CFAP58: variants seen among roughly 807,000 people sequenced by gnomAD.
CFAP58 encodes the protein cilia and flagella associated protein 58.
Under a neutral mutation model 119.5 loss-of-function variants are expected in CFAP58, and 88 were observed. That is an observed-to-expected ratio of 0.74 (90% CI 0.62 to 0.88). The LOEUF is 0.88. Ranked by LOEUF, CFAP58 falls within the 40% of genes least tolerant of loss-of-function variation. The probability of loss-of-function intolerance (pLI) is 0.00; values close to 1 mark genes in which losing one functional copy is unlikely to be tolerated. For missense variants in CFAP58, 990 were observed against 1,021.2 expected (o/e 0.97, Z 0.42); for synonymous variants, 365 against 366.3 (o/e 1.00, Z 0.04).
chr10:104,354,528 T>C (rs112275454), intron 1 of CFAP58, among the ~76,000 whole-genome samples: 1,764 of 152,150 alleles, frequency 0.012, 45 homozygotes, highest in African/African-American at 0.041. Context: ...AACCCTTCAG[T>C]GACTCCCTGC....
intron 9 of CFAP58, among the ~76,000 whole-genome samples, chr10:104,386,948 C>G (rs977703937): frequency 8.5e-5 from 13 of 152,312 alleles, no homozygotes; most frequent in African/African-American, 2.6e-4. Flanking sequence ...CTTCTTCCTT[C>G]TGAGCTGCAA....
intron 9 of CFAP58, among the ~76,000 whole-genome samples, chr10:104,385,938 T>G (rs905411010): frequency 6.6e-6 from 1 of 152,120 alleles, no homozygotes; most frequent in Non-Finnish European, 1.5e-5. Flanking sequence ...AAAAAGCAGA[T>G]AGATGCCTAG....
chr10:104,391,333 T>C (rs2012035908), intron 9 of CFAP58, among the ~76,000 whole-genome samples: 1 of 152,202 alleles, frequency 6.6e-6, no homozygotes, highest in Admixed American at 6.5e-5. Context: ...CCATGCTCTG[T>C]CACATTGCTC....
chr10:104,383,769 C>CACACACACACACAA (rs1412475062), intron 9 of CFAP58, among the ~76,000 whole-genome samples: 1 of 142,272 alleles, frequency 7.0e-6, no homozygotes, highest in Non-Finnish European at 1.5e-5. Context: ...CACACACACA[C>CACACACACACACAA]ACACACACAC....
intron 9 of CFAP58, among the ~76,000 whole-genome samples, chr10:104,381,110 A>G (rs998759310): frequency 6.6e-6 from 1 of 152,184 alleles, no homozygotes; most frequent in Non-Finnish European, 1.5e-5. Context: ...TGGTTGCAGC[A>G]CTGCACTCCA....
chr10:104,454,295 A>C (rs1457156648), intron 17 of CFAP58, 127 bp from the exon 18 acceptor site: 1 of 783,200 alleles, frequency 1.3e-6, no homozygotes, highest in Non-Finnish European at 2.2e-6. Flanking sequence ...TTAAACAACT[A>C]CCTTGTCTAA....
At chr10:104,401,399 C>G (rs1352012639) in intron 13 of CFAP58, among the ~76,000 whole-genome samples, 1 of 152,190 alleles carries the variant, frequency 6.6e-6, no homozygotes. Flanking sequence ...AGAAGGCGGC[C>G]AAATTTTGTA....
At chr10:104,437,522 G>T (rs2012954019) in intron 15 of CFAP58, among the ~76,000 whole-genome samples, 1 of 152,096 alleles carries the variant, frequency 6.6e-6, no homozygotes, top group Non-Finnish European at 1.5e-5. Flanking sequence ...ATGATGCAAG[G>T]TAACTGTAAA....
chr10:104,453,476 CCTCT>C (rs1157341878), intron 17 of CFAP58, among the ~76,000 whole-genome samples: 1 of 152,082 alleles, frequency 6.6e-6, no homozygotes, highest in Non-Finnish European at 1.5e-5. Context: ...CTTAATCACC[CCTCT>C]GCTCACACTG....
At chr10:104,357,958 CATATATGTACACATATGTACATATGT>C (rs1564876159) in intron 1 of CFAP58, among the ~76,000 whole-genome samples, 3 of 112,466 alleles carry the variant, frequency 2.7e-5, no homozygotes. Flanking sequence ...CATATATACA[CATATATGTACACATATGTACATATGT>C]ACACATATAT....
At chr10:104,424,494 GTATCTATAATATC>G (rs1166050222) in intron 15 of CFAP58, among the ~76,000 whole-genome samples, 1 of 152,106 alleles carries the variant, frequency 6.6e-6, no homozygotes, top group Non-Finnish European at 1.5e-5. Context: ...GCATTTTGGG[GTATCTATAATATC>G]TATAGAAGTT....
chr10:104,340,326 C>T, the CFAP58 span, among the ~76,000 whole-genome samples: 1 of 152,140 alleles, frequency 6.6e-6, no homozygotes, highest in African/African-American at 2.4e-5. Flanking sequence ...TTTTTCTCTC[C>T]CCTTGGATAT....
chr10:104,443,556 A>G (rs908535832), intron 15 of CFAP58, among the ~76,000 whole-genome samples: 5 of 152,252 alleles, frequency 3.3e-5, no homozygotes, highest in African/African-American at 4.8e-5. Flanking sequence ...ATGAAAATGG[A>G]ATAAATTAGT....
chr10:104,368,360 G>A, intron 5 of CFAP58, 63 bp from the exon 6 acceptor site: 3 of 1,561,724 alleles, frequency 1.9e-6, no homozygotes, highest in South Asian at 2.3e-5. Flanking sequence ...GGCCCCCTGT[G>A]TGTATATCCA....
At chr10:104,341,879 G>A in the CFAP58 span, among the ~76,000 whole-genome samples, 1 of 152,134 alleles carries the variant, frequency 6.6e-6, no homozygotes, top group Non-Finnish European at 1.5e-5. Context: ...CCCCAAACCA[G>A]TGTTATGCTT....
At chr10:104,425,169 G>A (rs763023759) in intron 15 of CFAP58, among the ~76,000 whole-genome samples, 9 of 152,190 alleles carry the variant, frequency 5.9e-5, no homozygotes, top group Non-Finnish European at 8.8e-5. Context: ...ACATATGATG[G>A]TGGTGGTGTT....
chr10:104,342,793 C>T, the CFAP58 span, among the ~76,000 whole-genome samples: 2 of 142,802 alleles, frequency 1.4e-5, no homozygotes, highest in East Asian at 2.0e-4. Flanking sequence ...TGCAGCGACC[C>T]GAGATCGTGC....
intron 15 of CFAP58, among the ~76,000 whole-genome samples, chr10:104,420,284 A>G (rs1486808913): frequency 1.3e-5 from 2 of 152,204 alleles, no homozygotes; most frequent in Admixed American, 1.3e-4. Flanking sequence ...TGCCAGGAAT[A>G]ACTTCCATAG....
rs555680675 is a variant in CFAP58, at chr10:104,417,416, A to T, written c.2256+10623A>T. ...ACCATTATTTGTAGTTTGGAGGATG[A>T]TAACTTCACCCTCTGGCCCTGGCTC... On this transcript the variant is annotated intron_variant, in intron 15 of 17. Coordinates refer to ENST00000369704, the MANE Select transcript of CFAP58 (RefSeq NM_001008723.2). Among the ~76,000 whole-genome samples the T allele has an allele frequency of 2.0e-5, 3 of 152,338 alleles. No individual in the cohort carries two copies. The South Asian group carries it at 6.2e-4, about 32-fold the overall frequency.
Sources: gnomAD v4.1 joint callset for allele counts (sites outside exome capture counted in the v4.1 genomes callset) on GRCh38, gnomAD v4.1.1 for gene constraint, MANE v1.5 for transcripts, NCBI Gene and HGNC (gene_info 2026-07-23, HGNC 2026-07-21) for gene names.